Variants in HYDIN observed in about 807,000 individuals in gnomAD.
HYDIN encodes HYDIN axonemal central pair apparatus protein.
HYDIN carries 132 observed loss-of-function variants against 403.9 expected under a neutral mutation model. The ratio of observed to expected loss-of-function variants is 0.33; its 90% CI spans 0.28 to 0.38. The LOEUF is 0.38. Among genes scored for constraint, HYDIN ranks in the 10% least tolerant of loss-of-function variants. The probability of loss-of-function intolerance (pLI) is 1.00; values close to 1 mark genes in which losing one functional copy is unlikely to be tolerated. For synonymous variants in HYDIN, 1,202 were observed against 1,891.7 expected, an observed-to-expected ratio of 0.64 and a Z score of 9.46; for missense variants, 2,827 against 5,009.5, an observed-to-expected ratio of 0.56 and a Z score of 13.15.
At chr16:71,122,744 C>T (rs1218145424) in intron 9 of HYDIN, among the ~76,000 whole-genome samples, 1 of 151,884 alleles carries the variant, frequency 6.6e-6, no homozygotes, top group Non-Finnish European at 1.5e-5. Context: ...GCATGGTTTA[C>T]TATTACTTAT....
intron 67 of HYDIN, among the ~76,000 whole-genome samples, chr16:70,864,008 C>G (rs1190318919): frequency 1.3e-5 from 2 of 150,968 alleles, no homozygotes; most frequent in East Asian, 3.9e-4. Flanking sequence ...TCAGCAGAGG[C>G]TTTTCCTGCC....
chr16:71,112,741 T>C (rs2083880386), intron 10 of HYDIN, among the ~76,000 whole-genome samples: 1 of 151,870 alleles, frequency 6.6e-6, no homozygotes, highest in Non-Finnish European at 1.5e-5. Flanking sequence ...TGGTTATCAA[T>C]AATGATTATG....
At chr16:70,842,993 TAAC>T (rs1191785860) in intron 75 of HYDIN, among the ~76,000 whole-genome samples, 4 of 151,876 alleles carry the variant, frequency 2.6e-5, no homozygotes, top group Non-Finnish European at 5.9e-5. Context: ...TTTGAGTTGA[TAAC>T]AACTTAATTT....
chr16:70,844,876 C>T (rs76164737), intron 75 of HYDIN, among the ~76,000 whole-genome samples: 1 of 151,248 alleles, frequency 6.6e-6, no homozygotes, highest in African/African-American at 2.4e-5. Context: ...CTTGTGATTT[C>T]TGTACATTGA....
intron 1 of HYDIN, among the ~76,000 whole-genome samples, chr16:71,220,984 G>C (rs2089171551): frequency 6.6e-6 from 1 of 152,048 alleles, no homozygotes; most frequent in Non-Finnish European, 1.5e-5. Context: ...CTGAAAACAG[G>C]GACCAAGAAA....
At chr16:71,032,188 A>G (rs1425601169) in intron 18 of HYDIN, among the ~76,000 whole-genome samples, 1 of 152,126 alleles carries the variant, frequency 6.6e-6, no homozygotes, top group Non-Finnish European at 1.5e-5. Context: ...CCAATTCTCA[A>G]ACAAGCTTAT....
chr16:70,925,068 G>A (rs1451292383), intron 45 of HYDIN, among the ~76,000 whole-genome samples: 1 of 152,092 alleles, frequency 6.6e-6, no homozygotes, highest in Non-Finnish European at 1.5e-5. Context: ...AGTCCTGATT[G>A]AGTCAAGGTT....
intron 5 of HYDIN, among the ~76,000 whole-genome samples, chr16:71,175,043 CAA>C (rs2086612193): frequency 6.8e-6 from 1 of 146,626 alleles, no homozygotes; most frequent in Non-Finnish European, 1.5e-5. Context: ...ATACCACCAT[CAA>C]TGACAGCACC....
At chr16:71,038,063 C>T (rs2081152743) in intron 18 of HYDIN, among the ~76,000 whole-genome samples, 1 of 152,178 alleles carries the variant, frequency 6.6e-6, no homozygotes, top group Admixed American at 6.5e-5. Flanking sequence ...GCTTTTTCTG[C>T]AGTCTGGGGC....
At chr16:70,944,012 T>G (rs1196526233) in intron 41 of HYDIN, 63 bp from the exon 42 acceptor site, 1 of 1,236,322 alleles carries the variant, frequency 8.1e-7, no homozygotes, top group African/African-American at 1.5e-5. Flanking sequence ...ACTCCTACAC[T>G]TACCAGCCAC....
Position 71,094,064 on chromosome 16 carries a change from C to G in HYDIN, c.1328-129G>C, listed in dbSNP as rs1246959066. On this transcript the variant is annotated intron_variant, in intron 10 of 85. Transcript: ENST00000393567. ...AGCTCCCTGCATTGCACCGAGGGAACTGCAATTTAACTAACGCTGAAGATT... is the reference window on the plus strand; with the variant it reads ...AGCTCCCTGCATTGCACCGAGGGAAGTGCAATTTAACTAACGCTGAAGATT... 1.1e-5 allele frequency: 7 copies of G among 644,862 alleles called. No individual in the cohort carries two copies. In the South Asian group the frequency reaches 2.0e-4, roughly 19 times the overall value. 39.9% of individuals were successfully genotyped at this position (644,862 alleles called of 1,614,324 possible).
intron 83 of HYDIN, among the ~76,000 whole-genome samples, chr16:70,825,168 A>C (rs931675035): frequency 2.6e-5 from 4 of 152,252 alleles, no homozygotes; most frequent in African/African-American, 9.6e-5. Context: ...AAATTTGGAT[A>C]GCTTATTCCA....
At chr16:71,150,831 G>T (rs1476995218) in intron 7 of HYDIN, among the ~76,000 whole-genome samples, 1 of 152,110 alleles carries the variant, frequency 6.6e-6, no homozygotes. Context: ...CTAGTATTTA[G>T]AATACTGAGT....
intron 28 of HYDIN, 40 bp downstream of exon 28, chr16:70,985,145 T>C: frequency 6.2e-7 from 1 of 1,602,846 alleles, no homozygotes; most frequent in Non-Finnish European, 8.5e-7. Flanking sequence ...GGAGTGGGGC[T>C]CGTAGGTTTG....
chr16:70,913,396 C>T (rs1282038237), intron 47 of HYDIN, among the ~76,000 whole-genome samples: 4 of 152,122 alleles, frequency 2.6e-5, no homozygotes, highest in Admixed American at 6.5e-5. Context: ...AGTGATCATT[C>T]GGGAGCAGGT....
intron 45 of HYDIN, among the ~76,000 whole-genome samples, chr16:70,927,753 A>T (rs1275604818): frequency 6.6e-6 from 1 of 152,254 alleles, no homozygotes; most frequent in Non-Finnish European, 1.5e-5. Flanking sequence ...GAAGGAGCAC[A>T]ATCATGCCGA....
At chr16:70,855,941 T>C (rs1304412485) in intron 72 of HYDIN, among the ~76,000 whole-genome samples, 1 of 152,202 alleles carries the variant, frequency 6.6e-6, no homozygotes, top group Non-Finnish European at 1.5e-5. Flanking sequence ...AATTTATGCA[T>C]CCTGTATTTT....
chr16:71,208,281 C>T (rs1297709322), intron 1 of HYDIN, among the ~76,000 whole-genome samples: 1 of 152,192 alleles, frequency 6.6e-6, no homozygotes, highest in Non-Finnish European at 1.5e-5. Flanking sequence ...CAAAACCATA[C>T]AACTGTATGA....
intron 1 of HYDIN, among the ~76,000 whole-genome samples, chr16:71,190,956 CAT>C (rs1461433058): frequency 1.3e-5 from 2 of 151,812 alleles, no homozygotes; most frequent in Non-Finnish European, 2.9e-5. Context: ...TCACAATAAA[CAT>C]AGCATGAAAG....
Sources: allele counts gnomAD v4.1 joint callset (sites outside exome capture counted in the v4.1 genomes callset), GRCh38; gene constraint gnomAD v4.1.1; transcripts MANE v1.5; gene names NCBI Gene and HGNC (gene_info 2026-07-23, HGNC 2026-07-21).